Variants in GPHN observed in about 807,000 individuals in gnomAD.
The protein encoded by GPHN is gephyrin.
GPHN carries 17 observed loss-of-function variants against 95.5 expected under a neutral mutation model. The observed-to-expected ratio is 0.18, with a 90% confidence interval of 0.12 to 0.27. GPHN has a LOEUF of 0.27. Among genes scored for constraint, GPHN ranks in the 10% least tolerant of loss-of-function variants. GPHN has a pLI of 1.00. For missense variants in GPHN, 660 were observed against 978.1 expected (o/e 0.67, Z 4.34); for synonymous variants, 320 against 322.5 (o/e 0.99, Z 0.08).
chr14:66,878,730 G>C (rs2063786676), intron 4 of GPHN, among the ~76,000 whole-genome samples: 1 of 152,094 alleles, frequency 6.6e-6, no homozygotes. Context: ...TGCTGGATAG[G>C]GATGTGGAAA....
the GPHN span, among the ~76,000 whole-genome samples, chr14:67,591,612 G>C: frequency 6.6e-6 from 1 of 152,122 alleles, no homozygotes; most frequent in African/African-American, 2.4e-5. Context: ...GCTCACTGCA[G>C]CCTTGACCTC....
chr14:66,555,575 A>G (rs1368294116), intron 1 of GPHN, among the ~76,000 whole-genome samples: 1 of 152,144 alleles, frequency 6.6e-6, no homozygotes, highest in Non-Finnish European at 1.5e-5. Context: ...TTTTATACTG[A>G]TGGTACTACC....
intron 9 of GPHN, among the ~76,000 whole-genome samples, chr14:66,977,574 A>C (rs2070341003): frequency 6.6e-6 from 1 of 152,220 alleles, no homozygotes; most frequent in Non-Finnish European, 1.5e-5. Flanking sequence ...AAATAATTTT[A>C]ATGTGTATGG....
the GPHN span, chr14:67,292,692 C>T: frequency 6.2e-7 from 1 of 1,613,496 alleles, no homozygotes; most frequent in East Asian, 2.2e-5. Context: ...TTCCTCTTAT[C>T]TCCAACGCAC....
At chr14:67,569,282 G>T in the GPHN span, 12 of 1,166,274 alleles carry the variant, frequency 1.0e-5, no homozygotes, top group Non-Finnish European at 1.5e-5. Flanking sequence ...AAGCGGGGAG[G>T]AGAAGACTCC....
At chr14:67,485,320 C>T in the GPHN span, among the ~76,000 whole-genome samples, 1 of 152,194 alleles carries the variant, frequency 6.6e-6, no homozygotes, top group African/African-American at 2.4e-5. Context: ...GGCTACAAAT[C>T]AACTCAAGAA....
chr14:66,525,158 T>G (rs1191214411), intron 1 of GPHN, among the ~76,000 whole-genome samples: 1 of 152,170 alleles, frequency 6.6e-6, no homozygotes, highest in Non-Finnish European at 1.5e-5. Context: ...CCAGCATCTG[T>G]TGTTTCCTGA....
At chr14:67,222,271 C>T in the GPHN span, among the ~76,000 whole-genome samples, 2 of 152,078 alleles carry the variant, frequency 1.3e-5, no homozygotes, top group African/African-American at 2.4e-5. Context: ...CCAGGTGATA[C>T]TATTTAATGT....
the GPHN span, chr14:67,392,341 G>A: frequency 6.2e-7 from 1 of 1,607,904 alleles, no homozygotes; most frequent in Non-Finnish European, 8.5e-7. Context: ...TGGCCAGGTA[G>A]CCTTGTTTCA....
At chr14:66,998,631 C>G (rs182597287) in intron 9 of GPHN, among the ~76,000 whole-genome samples, 6 of 152,136 alleles carry the variant, frequency 3.9e-5, no homozygotes, top group Admixed American at 3.3e-4. Context: ...TCTCTTCTTT[C>G]CCTTACATTT....
chr14:66,766,884 A>G (rs2058978716), intron 2 of GPHN, among the ~76,000 whole-genome samples: 1 of 152,050 alleles, frequency 6.6e-6, no homozygotes, highest in African/African-American at 2.4e-5. Flanking sequence ...TCTTTTTAGA[A>G]CAGTGATTTT....
intron 2 of GPHN, among the ~76,000 whole-genome samples, chr14:66,762,176 T>A (rs532755696): frequency 1.2e-4 from 19 of 152,164 alleles, no homozygotes. Flanking sequence ...TTACTAGTGT[T>A]CATTAAAAAT....
rs537240564 is a variant in GPHN, at chr14:67,000,535, C to T, written c.964-23098C>T. Reference sequence around the variant, plus strand: ...TTACTTATTTCAATATATTTATCTACAGTGCTCCACCCTTTCATTCACATG... The same window carrying T: ...TTACTTATTTCAATATATTTATCTATAGTGCTCCACCCTTTCATTCACATG... On this transcript the variant is annotated intron_variant, in intron 9 of 22. Coordinates refer to ENST00000478722, the MANE Select transcript of GPHN (RefSeq NM_020806.5). 3.3e-5 allele frequency among the ~76,000 whole-genome samples: 5 copies of T among 151,700 alleles called. No individual in the cohort carries two copies. In the South Asian group the frequency reaches 8.3e-4, roughly 25 times the overall value.
chr14:66,858,056 C>T (rs1452641581), intron 4 of GPHN, among the ~76,000 whole-genome samples: 2 of 152,160 alleles, frequency 1.3e-5, no homozygotes, highest in East Asian at 1.9e-4. Context: ...GGCTAAAGTC[C>T]TTTGCAGCCC....
chr14:67,159,198 G>A (rs1487107654), intron 18 of GPHN, among the ~76,000 whole-genome samples: 2 of 151,998 alleles, frequency 1.3e-5, no homozygotes, highest in Non-Finnish European at 2.9e-5. Context: ...ACATAGACTG[G>A]TACTCATCAT....
At chr14:67,329,877 AATAG>A in the GPHN span, among the ~76,000 whole-genome samples, 1,716 of 86,850 alleles carry the variant, frequency 0.02, 21 homozygotes, top group South Asian at 0.018. Flanking sequence ...TAAATAAATA[AATAG>A]ATATAGAAAC....
the GPHN span, among the ~76,000 whole-genome samples, chr14:67,515,638 A>G: frequency 6.6e-6 from 1 of 151,952 alleles, no homozygotes; most frequent in Non-Finnish European, 1.5e-5. Context: ...GCCGCGGCGC[A>G]GGTGGCTGCG....
At chr14:67,364,365 C>T in the GPHN span, 1 of 160,288 alleles carries the variant, frequency 6.2e-6, no homozygotes, top group Non-Finnish European at 1.4e-5. Flanking sequence ...TGTTTGCTCA[C>T]TTCGGCAAAG....
Position 66,832,149 on chromosome 14 carries a change from AAAAT to A in GPHN, c.294+7594_294+7597del, listed in dbSNP as rs1190829156. Among the ~76,000 whole-genome samples the A allele has an allele frequency of 1.3e-4, 20 of 152,332 alleles. No individual in the cohort carries two copies. In the East Asian group the frequency reaches 3.1e-3, roughly 23 times the overall value. The stretch of plus-strand genomic sequence containing the variant: ...GTGACAGAGTGAGACCCTGTTTTAA[AAAAT>A]AAATAAATAAGATATGTATAAGGAA... On this transcript the variant is annotated intron_variant, in intron 4 of 22. Coordinates refer to ENST00000478722, the MANE Select transcript of GPHN (RefSeq NM_020806.5).
Sources: gnomAD v4.1 joint callset for allele counts (sites outside exome capture counted in the v4.1 genomes callset) on GRCh38, gnomAD v4.1.1 for gene constraint, MANE v1.5 for transcripts, NCBI Gene and HGNC (gene_info 2026-07-23, HGNC 2026-07-21) for gene names.